BICD2: variants seen among roughly 807,000 people sequenced by gnomAD.
BICD2 encodes BICD cargo adaptor 2.
In BICD2, 25 loss-of-function variants were observed where a neutral mutation model predicts 72.9. That is an observed-to-expected ratio of 0.34 (90% confidence interval 0.25 to 0.48). The LOEUF (loss-of-function observed/expected upper bound fraction) is 0.48. BICD2 is among the 20% of genes least tolerant of loss of function. BICD2 has a pLI of 0.99. For synonymous variants in BICD2, 501 were observed against 516.1 expected, an observed-to-expected ratio of 0.97 and a Z score of 0.40; for missense variants, 894 against 1,175.2, an observed-to-expected ratio of 0.76 and a Z score of 3.50.
At chr9:92,716,417 C>T (rs1853314558) in intron 6 of BICD2, among the ~76,000 whole-genome samples, 1 of 152,218 alleles carries the variant, frequency 6.6e-6, no homozygotes, top group Admixed American at 6.5e-5. Flanking sequence ...CAGGACGCTT[C>T]CAGAGAAATC....
chr9:92,730,351 T>C (rs1170542265), intron 1 of BICD2, among the ~76,000 whole-genome samples: 1 of 152,232 alleles, frequency 6.6e-6, no homozygotes, highest in Non-Finnish European at 1.5e-5. Context: ...TACTATTTAA[T>C]ATTAAATCTA....
rs1192118812 is a variant in BICD2 at position 92,714,449 on chromosome 9, C to T, written c.*705G>A. 3.9e-5 allele frequency: 38 copies of T among 985,386 alleles called. No individual in the cohort carries two copies. Among genetic ancestry groups the T allele is most frequent in the Non-Finnish European group, 4.5e-5 (37 of 829,964 alleles). The allele number at this position is 985,386 out of a possible 1,614,324, so 61.0% of individuals were successfully genotyped here. ...TGCCAATCTGTCACCTCACAGGCCA[C>T]TATACAAGCATCCTGATCTCAGAAA... On this transcript the variant is annotated 3_prime_UTR_variant, in exon 7 of 7. Coordinates refer to ENST00000356884, the MANE Select transcript of BICD2 (RefSeq NM_001003800.2).
chr9:92,724,287 C>T (rs548735665), intron 2 of BICD2, among the ~76,000 whole-genome samples: 14 of 152,220 alleles, frequency 9.2e-5, no homozygotes, highest in African/African-American at 3.1e-4. Context: ...ACTTTATAGA[C>T]AAGATTCCAA....
chr9:92,755,780 G>A (rs1854241827), intron 1 of BICD2, among the ~76,000 whole-genome samples: 1 of 152,226 alleles, frequency 6.6e-6, no homozygotes, highest in Admixed American at 6.5e-5. Context: ...TGAGGAAGAA[G>A]GGCAGAGCAA....
In BICD2 at chr9:92,719,108, C is replaced by T. The variant is rs1039504580; in HGVS notation, c.1537G>A (p.Ala513Thr). 2 of 1,612,728 alleles carry T rather than the reference C, an allele frequency of 1.2e-6. No homozygotes were observed. The highest frequency in any genetic ancestry group is 2.2e-5 in the East Asian group (1 of 44,874). ...CTCAGGCTGCCCTGTGTCTCGCCGG[C>T]GACGTCGCTCACCTTCTTTAGCTCC... ...EKELKKVSDV[A>T]GETQGSLSVA... is the part of the protein sequence containing the mutation. The change falls in exon 5 of 7, where the codon GCC (alanine) becomes ACC (threonine). Residue 513 changes from alanine to threonine, a missense_variant. Around this residue, in one of 5 missense-constraint regions of BICD2, gnomAD observed 371 missense variants for 439.1 expected, o/e 0.84. Transcript: ENST00000356884.
chr9:92,714,299 C>T lies in BICD2; in HGVS notation c.*855G>A, dbSNP rs1231926737. ...TTGGGACTGAACCCCCTATGGAAGGCCGGATAATTGGCTGCTGGGGTCACC... is the reference window on the plus strand; with the variant it reads ...TTGGGACTGAACCCCCTATGGAAGGTCGGATAATTGGCTGCTGGGGTCACC... On this transcript the variant is annotated 3_prime_UTR_variant, in exon 7 of 7. Transcript: ENST00000356884. 1.0e-6 allele frequency: 1 copy of T among 985,356 alleles called. No homozygotes were observed. The highest frequency in any genetic ancestry group is 1.2e-6 in the Non-Finnish European group (1 of 829,956). The allele number at this position is 985,356 out of a possible 1,614,324, so 61.0% of individuals were successfully genotyped here. A position where few individuals can be genotyped will look rare whatever the true frequency, so the allele number is the denominator to read the frequency against.
chr9:92,738,000 G>A (rs575571377), intron 1 of BICD2, among the ~76,000 whole-genome samples: 146 of 152,296 alleles, frequency 9.6e-4, no homozygotes, highest in African/African-American at 3.4e-3. Context: ...CTCCTGCTTC[G>A]CCGAGGTGCC....
intron 1 of BICD2, among the ~76,000 whole-genome samples, chr9:92,758,507 G>A (rs1320369496): frequency 5.0e-5 from 7 of 139,104 alleles, no homozygotes; most frequent in African/African-American, 1.9e-4. Flanking sequence ...AGCCAAGATC[G>A]AGCTACTGTA....
At position 92,712,206 on chromosome 9, in the gene BICD2, T is replaced by C. The variant is rs1022327851; in HGVS notation, c.*2948A>G. 2.6e-5 allele frequency: 4 copies of C among 152,668 alleles called. No individual in the cohort carries two copies. Among genetic ancestry groups the C allele is most frequent in the Non-Finnish European group, 5.9e-5 (4 of 68,044 alleles). The allele number at this position is 152,668 out of a possible 1,614,324, so 9.5% of individuals were successfully genotyped here. A position where few individuals can be genotyped will look rare whatever the true frequency, so the allele number is the denominator to read the frequency against. On this transcript the variant is annotated 3_prime_UTR_variant, in exon 7 of 7. Coordinates refer to ENST00000356884, the MANE Select transcript of BICD2 (RefSeq NM_001003800.2). ...GGTTCCCAAAGCACACTCAAGGTTT[T>C]GTGTTTGCTTTCATTTTCTAAGCCC...
chr9:92,764,799 T>TCAG lies in BICD2; in HGVS notation c.-58_-56dup. ...GAGGCTCTCGCAGGCCGGGCCCTCC[T>TCAG]CAGCCGCCGCCGCTGCCGCCGCCGC... On this transcript the variant is annotated 5_prime_UTR_variant, in exon 1 of 7. Transcript: ENST00000356884. This position sits in a 1 kb window ranked among gnomAD's most constrained non-coding sequence, Gnocchi z 5.5. The TCAG allele has an allele frequency of 8.1e-7, 1 of 1,238,396 alleles. No homozygotes were observed. The highest frequency in any genetic ancestry group is 1.0e-6 in the Non-Finnish European group (1 of 984,008). The allele number at this position is 1,238,396 out of a possible 1,614,324, so 76.7% of individuals were successfully genotyped here.
intron 1 of BICD2, among the ~76,000 whole-genome samples, chr9:92,757,941 C>A (rs1040615868): frequency 6.6e-6 from 1 of 152,048 alleles, no homozygotes; most frequent in Admixed American, 6.6e-5. Context: ...CGGTGGCTCA[C>A]GCCTGTAATC....
chr9:92,754,540 AG>A (rs1224382871), intron 1 of BICD2, among the ~76,000 whole-genome samples: 1 of 152,226 alleles, frequency 6.6e-6, no homozygotes, highest in Non-Finnish European at 1.5e-5. Flanking sequence ...ATCAGTGAAC[AG>A]GGAAGTGCAA....
chr9:92,746,868 C>T (rs912826843), intron 1 of BICD2, among the ~76,000 whole-genome samples: 5 of 152,226 alleles, frequency 3.3e-5, no homozygotes, highest in African/African-American at 1.2e-4. Flanking sequence ...GAGCACACAA[C>T]TGCACAACTG....
At chr9:92,736,788 T>C (rs984069549) in intron 1 of BICD2, among the ~76,000 whole-genome samples, 1 of 152,180 alleles carries the variant, frequency 6.6e-6, no homozygotes, top group Admixed American at 6.5e-5. Context: ...AGCAGCTCCA[T>C]GACCGGAGCC....
chr9:92,759,236 C>T (rs372245085), intron 1 of BICD2, among the ~76,000 whole-genome samples: 1 of 152,092 alleles, frequency 6.6e-6, no homozygotes, highest in Non-Finnish European at 1.5e-5. Context: ...CAAAGCCTTT[C>T]CCCTGTGTTT....
chr9:92,762,629 G>A (rs139023136), intron 1 of BICD2, among the ~76,000 whole-genome samples: 2 of 152,146 alleles, frequency 1.3e-5, no homozygotes, highest in South Asian at 2.1e-4. Flanking sequence ...TACATGCCAC[G>A]AAAATGCCAA....
intron 1 of BICD2, among the ~76,000 whole-genome samples, chr9:92,757,714 A>G (rs1349971191): frequency 2.0e-5 from 3 of 152,130 alleles, no homozygotes; most frequent in African/African-American, 7.2e-5. Context: ...CTCAAAAAAA[A>G]AAAGAAAAGA....
rs1853242761 is a variant in BICD2, at chr9:92,713,772, A to G, written c.*1382T>C. The stretch of plus-strand genomic sequence containing the variant: ...GGCCCAGGATGAACACGCAGGGGAC[A>G]TACATGGGCGTGTCCTGGAGTCTGG... On this transcript the variant is annotated 3_prime_UTR_variant, in exon 7 of 7. Transcript: ENST00000356884. The G allele has an allele frequency of 7.8e-7, 1 of 1,278,964 alleles. No individual in the cohort carries two copies. The highest frequency in any genetic ancestry group is 1.0e-6 in the Non-Finnish European group (1 of 1,002,304). The allele number at this position is 1,278,964 out of a possible 1,614,324, so 79.2% of individuals were successfully genotyped here.
chr9:92,739,155 T>A (rs910155526), intron 1 of BICD2, among the ~76,000 whole-genome samples: 2 of 152,204 alleles, frequency 1.3e-5, no homozygotes, highest in Non-Finnish European at 2.9e-5. Context: ...CCTCATCCAC[T>A]CGACGGGCTG....
Sources: gnomAD v4.1 joint callset for allele counts (sites outside exome capture counted in the v4.1 genomes callset) on GRCh38, gnomAD v4.1.1 for gene constraint, gnomAD v4.1.1 regional missense constraint, Gnocchi (gnomAD v3.1) non-coding constraint, MANE v1.5 for transcripts, NCBI Gene and HGNC (gene_info 2026-07-23, HGNC 2026-07-21) for gene names.